Variants in B4GALT6 observed in about 807,000 individuals in gnomAD.
B4GALT6 encodes UDP-Gal:beta-GlcNAc beta-1,4-galactosyltransferase 6.
B4GALT6 carries 14 observed loss-of-function variants against 46.3 expected under a neutral mutation model. The ratio of observed to expected loss-of-function variants is 0.30; its 90% CI spans 0.20 to 0.47. The LOEUF (loss-of-function observed/expected upper bound fraction) is 0.47. Ranked by LOEUF, B4GALT6 falls within the 20% of genes least tolerant of loss-of-function variation. B4GALT6 has a pLI of 0.99. For missense variants in B4GALT6, 386 were observed against 480.1 expected, an observed-to-expected ratio of 0.80 and a Z score of 1.83; for synonymous variants, 168 against 162.0, an observed-to-expected ratio of 1.04 and a Z score of -0.28.
Position 31,625,608 on chromosome 18 carries a change from C to T in B4GALT6, c.*6G>A, listed in dbSNP as rs2073682839. 1 of 1,613,562 alleles carries T rather than the reference C, an allele frequency of 6.2e-7. No homozygotes were observed. Among genetic ancestry groups the T allele is most frequent in the Non-Finnish European group, 8.5e-7 (1 of 1,179,816 alleles). On this transcript the variant is annotated 3_prime_UTR_variant, in exon 9 of 9. Transcript: ENST00000306851. Reference sequence around the variant, plus strand: ...GTGGTCTACCTTGCCACGACAGCCACTTCTTTTAATAGTCTTCGATTGGAG... The same window carrying T: ...GTGGTCTACCTTGCCACGACAGCCATTTCTTTTAATAGTCTTCGATTGGAG...
intron 6 of B4GALT6, among the ~76,000 whole-genome samples, chr18:31,629,447 ATTTTTTTTTTTTTTTTTTTTTTT>A (rs869030382): frequency 2.1e-4 from 7 of 32,838 alleles, no homozygotes; most frequent in Non-Finnish European, 2.4e-4. Context: ...GCCCTTTATG[ATTTTTTTTTTTTTTTTTTTTTTT>A]TTTTTTTTTT....
At chr18:31,708,572 A>C in the B4GALT6 span, among the ~76,000 whole-genome samples, 1 of 152,114 alleles carries the variant, frequency 6.6e-6, no homozygotes, top group Admixed American at 6.5e-5. Flanking sequence ...TCAATAAAAA[A>C]TAAAAATAAA....
intron 1 of B4GALT6, among the ~76,000 whole-genome samples, chr18:31,670,344 C>T (rs767029900): frequency 1.3e-5 from 2 of 152,120 alleles, no homozygotes; most frequent in Admixed American, 6.5e-5. Context: ...CGTGAGCCAC[C>T]GCACCAGGCC....
the B4GALT6 span, among the ~76,000 whole-genome samples, chr18:31,698,206 C>T: frequency 1.3e-5 from 2 of 152,162 alleles, 1 homozygote; most frequent in South Asian, 4.1e-4. Flanking sequence ...TCAATTATTG[C>T]CTTACTTTTC....
chr18:31,630,160 A>T (rs2073768298), intron 6 of B4GALT6, among the ~76,000 whole-genome samples: 1 of 151,700 alleles, frequency 6.6e-6, no homozygotes, highest in South Asian at 2.1e-4. Flanking sequence ...GAAAGAAACA[A>T]GCATTCTTTT....
chr18:31,627,179 A>G (rs1004150146), intron 6 of B4GALT6, 58 bp from the exon 7 acceptor site: 34 of 1,517,164 alleles, frequency 2.2e-5, no homozygotes, highest in Non-Finnish European at 2.9e-5. Flanking sequence ...CCCATGTGAA[A>G]TGAAGGTTTC....
chr18:31,683,531 G>T (rs897616616), intron 1 of B4GALT6, among the ~76,000 whole-genome samples: 12 of 152,080 alleles, frequency 7.9e-5, no homozygotes, highest in African/African-American at 2.4e-4. Context: ...AACAAATGGG[G>T]GACGAGGAAT....
chr18:31,629,039 G>C (rs182754032), intron 6 of B4GALT6, among the ~76,000 whole-genome samples: 2 of 152,184 alleles, frequency 1.3e-5, no homozygotes, highest in African/African-American at 2.4e-5. Context: ...AAGACCTTCA[G>C]GATGATCCAC....
intron 5 of B4GALT6, among the ~76,000 whole-genome samples, chr18:31,636,531 G>A (rs2073861074): frequency 6.6e-6 from 1 of 152,116 alleles, no homozygotes; most frequent in Non-Finnish European, 1.5e-5. Context: ...TTAATCATCA[G>A]GGAAATAAGA....
the B4GALT6 span, among the ~76,000 whole-genome samples, chr18:31,711,610 AC>A: frequency 6.6e-6 from 1 of 152,204 alleles, no homozygotes; most frequent in African/African-American, 2.4e-5. Flanking sequence ...TGCATCATAT[AC>A]CATACAATTT....
chr18:31,663,755 T>C (rs1202089409), intron 2 of B4GALT6, among the ~76,000 whole-genome samples: 1 of 152,244 alleles, frequency 6.6e-6, no homozygotes, highest in African/African-American at 2.4e-5. Context: ...AGTTGCATTA[T>C]AAATAACTAT....
At chr18:31,724,408 T>A in the B4GALT6 span, 23 of 1,078,016 alleles carry the variant, frequency 2.1e-5, no homozygotes, top group South Asian at 5.9e-4. Context: ...TTAGCCCTGG[T>A]CTTCCCGCTC....
At chr18:31,658,180 C>T (rs2074167107) in intron 2 of B4GALT6, 91 bp from the exon 3 acceptor site, 1 of 863,900 alleles carries the variant, frequency 1.2e-6, no homozygotes. Flanking sequence ...TGGGAGAAAA[C>T]TACAATATAC....
intron 6 of B4GALT6, among the ~76,000 whole-genome samples, chr18:31,629,632 A>G (rs1225684230): frequency 1.3e-5 from 2 of 150,700 alleles, no homozygotes; most frequent in Non-Finnish European, 3.0e-5. Context: ...GGTGGATCAC[A>G]AGGTCAGGAG....
chr18:31,677,130 A>T (rs2144731869), intron 1 of B4GALT6, among the ~76,000 whole-genome samples: 1 of 152,380 alleles, frequency 6.6e-6, no homozygotes, highest in Non-Finnish European at 1.5e-5. Context: ...AAGTAATTAA[A>T]CATAAAAACA....
intron 1 of B4GALT6, among the ~76,000 whole-genome samples, chr18:31,671,208 C>CAT (rs2074352848): frequency 6.6e-6 from 1 of 152,106 alleles, no homozygotes; most frequent in South Asian, 2.1e-4. Flanking sequence ...AATAAACATA[C>CAT]GTGTGCATGT....
At chr18:31,661,147 A>G (rs1389509116) in intron 2 of B4GALT6, among the ~76,000 whole-genome samples, 2 of 152,222 alleles carry the variant, frequency 1.3e-5, no homozygotes, top group Non-Finnish European at 2.9e-5. Context: ...AGACTCAGGA[A>G]AACAAACCAT....
In B4GALT6 at chr18:31,626,516, AGGTCC is replaced by A. The variant is rs2073699742; in HGVS notation, c.900-137_900-133del. The stretch of plus-strand genomic sequence containing the variant: ...CAACCCCTGGGCCACAAACCAGTAT[AGGTCC>A]ATGGCCTGTTAAAAACTGGGCCGCA... On this transcript the variant is annotated intron_variant, in intron 7 of 8. Coordinates refer to ENST00000306851, the MANE Select transcript of B4GALT6 (RefSeq NM_004775.5). The A allele has an allele frequency of 9.5e-6, 5 of 523,602 alleles. No individual in the cohort carries two copies. The Admixed American group carries it at 1.4e-4, about 14-fold the overall frequency. 32.4% of individuals were successfully genotyped at this position (523,602 alleles called of 1,614,324 possible). A position where few individuals can be genotyped will look rare whatever the true frequency, so the allele number is the denominator to read the frequency against.
chr18:31,653,807 CAT>C (rs2074105902), intron 3 of B4GALT6, among the ~76,000 whole-genome samples: 1 of 152,176 alleles, frequency 6.6e-6, no homozygotes, highest in Non-Finnish European at 1.5e-5. Flanking sequence ...CTGCCACACA[CAT>C]GACCACGTTC....
Sources: gnomAD v4.1 joint callset for allele counts (sites outside exome capture counted in the v4.1 genomes callset) on GRCh38, gnomAD v4.1.1 for gene constraint, MANE v1.5 for transcripts, NCBI Gene and HGNC (gene_info 2026-07-23, HGNC 2026-07-21) for gene names.